XKRX: variants seen among roughly 807,000 people sequenced by gnomAD.
XKRX encodes XK-related protein 2.
XKRX carries 11 observed loss-of-function variants against 22.4 expected under a neutral mutation model. The observed-to-expected ratio is 0.49, with a 90% confidence interval of 0.31 to 0.81. The LOEUF is 0.81. Ranked by LOEUF, XKRX falls within the 40% of genes least tolerant of loss-of-function variation. The pLI is 0.05. For synonymous variants in XKRX, 114 were observed against 132.2 expected, an observed-to-expected ratio of 0.86 and a Z score of 0.94; for missense variants, 320 against 336.5, an observed-to-expected ratio of 0.95 and a Z score of 0.38.
At chrX:100,913,125 G>A (rs189728648), downstream of XKRX, among the ~76,000 whole-genome samples, 1 of 108,575 alleles carries the variant, frequency 9.2e-6, no homozygotes, top group African/African-American at 3.4e-5. Flanking sequence ...TTGAACCCAG[G>A]AGGCAGAGGC....
intron 2 of XKRX, 74 bp downstream of exon 2, chrX:100,922,719 A>G (rs1392725998): frequency 2.2e-5 from 23 of 1,067,010 alleles, no homozygotes; most frequent in Non-Finnish European, 2.9e-5. Flanking sequence ...TGGCCAGTTT[A>G]TTAGACAGCT....
At chrX:100,897,023 C>T in the XKRX span, among the ~76,000 whole-genome samples, 1 of 111,477 alleles carries the variant, frequency 9.0e-6, no homozygotes, top group Non-Finnish European at 1.9e-5. Context: ...GATATATGAT[C>T]TAAGGACAAA....
the XKRX span, among the ~76,000 whole-genome samples, chrX:100,903,039 G>A: frequency 2.8e-5 from 3 of 107,826 alleles, no homozygotes; most frequent in African/African-American, 3.4e-5. Context: ...GTGAGCCACC[G>A]CACCTGGCCA....
chrX:100,933,547 G>A (rs1245146404), upstream of XKRX, among the ~76,000 whole-genome samples: 15 of 106,364 alleles, frequency 1.4e-4, no homozygotes, highest in African/African-American at 5.2e-4. Flanking sequence ...TTTTCTTTTT[G>A]CTATAAACTC....
chrX:100,939,725 C>T, the XKRX span, among the ~76,000 whole-genome samples: 4 of 112,179 alleles, frequency 3.6e-5, no homozygotes, highest in South Asian at 1.5e-3. Flanking sequence ...ATTTTATTTC[C>T]ACTATCAGTC....
At chrX:100,932,205 GCTAA>G (rs1936873166), upstream of XKRX, among the ~76,000 whole-genome samples, 1 of 111,360 alleles carries the variant, frequency 9.0e-6, no homozygotes, top group African/African-American at 3.3e-5. Flanking sequence ...GCTGGGAGTA[GCTAA>G]CTGAGAATTT....
the XKRX span, chrX:100,956,633 AT>A: frequency 1.9e-6 from 1 of 535,382 alleles, no homozygotes. Context: ...AAGAAAGCAG[AT>A]TTTATGGAAT....
At chrX:100,943,792 A>C in the XKRX span, among the ~76,000 whole-genome samples, 2 of 112,209 alleles carry the variant, frequency 1.8e-5, no homozygotes, top group South Asian at 7.4e-4. Flanking sequence ...ATGGAATCCC[A>C]TCAGATGAAT....
chrX:100,915,100 C>A lies in XKRX; in HGVS notation c.605-17G>T, dbSNP rs1166725749. On this transcript the variant is annotated splice_polypyrimidine_tract_variant and intron_variant, in intron 2 of 2. Transcript: ENST00000372956. ...TTAGCACAACTGTTAAAAACAAAAA[C>A]AAAAACAAAAACAGGCAATCAGTCA... is the stretch of plus-strand genomic sequence containing the variant. 4 of 1,193,300 alleles carry A rather than the reference C, an allele frequency of 3.4e-6. No individual in the cohort carries two copies. The Admixed American group carries it at 6.9e-5, about 21-fold the overall frequency.
At chrX:100,891,580 A>T in the XKRX span, among the ~76,000 whole-genome samples, 1 of 109,773 alleles carries the variant, frequency 9.1e-6, no homozygotes, top group African/African-American at 3.3e-5. Context: ...CAATGGGGAA[A>T]CAGCAGTCTC....
chrX:100,892,368 C>A, the XKRX span, among the ~76,000 whole-genome samples: 1 of 111,513 alleles, frequency 9.0e-6, no homozygotes, highest in Non-Finnish European at 1.9e-5. Context: ...ATACCCCATT[C>A]TCCATGATGT....
chrX:100,914,644 A>G lies in XKRX; in HGVS notation c.1044T>C (p.His348=). Residue 348 remains histidine (H), a synonymous_variant, in exon 3 of 3, where the codon CAT becomes CAC. Transcript: ENST00000372956. ...ACCTCACACTATAGTGCAGGCCCAT[A>G]TGTCCCCAGTTCTGCCCTTTGTCGA... The part of the protein sequence containing the change: ...DLVDKGQNWG[H]MGLHYSVRLV... 1 of 1,211,711 alleles carries G rather than the reference A, an allele frequency of 8.3e-7. No individual in the cohort carries two copies. The highest frequency in any genetic ancestry group is 1.1e-6 in the Non-Finnish European group (1 of 895,513).
At chrX:100,957,225 C>T in the XKRX span, 15 of 993,043 alleles carry the variant, frequency 1.5e-5, no homozygotes, top group Middle Eastern at 2.6e-4. Flanking sequence ...TTGTCAGTAT[C>T]GATCTGATTT....
At chrX:100,933,202 C>G (rs1312551016), upstream of XKRX, among the ~76,000 whole-genome samples, 2 of 109,778 alleles carry the variant, frequency 1.8e-5, no homozygotes, top group Non-Finnish European at 3.8e-5. Context: ...GAAAAAAAGC[C>G]AGGCGCAGTG....
At chrX:100,930,862 T>C (rs1382600898), upstream of XKRX, among the ~76,000 whole-genome samples, 1 of 110,472 alleles carries the variant, frequency 9.1e-6, no homozygotes, top group Non-Finnish European at 1.9e-5. Flanking sequence ...CCGGGCGCGG[T>C]AGCTCATGCC....
the XKRX span, among the ~76,000 whole-genome samples, chrX:100,951,372 A>G: frequency 2.0e-5 from 2 of 101,958 alleles, no homozygotes; most frequent in African/African-American, 7.2e-5. Flanking sequence ...CAATATACCC[A>G]TGTAACAAAC....
rs148940348 is a variant in XKRX at position 100,928,337 on chromosome X, T to C, written c.-33A>G. ...GTTCTTTCTGAATGTTGTGGTCTTG[T>C]GTTCATAGCACCCTCCCACCCATCC... is the stretch of plus-strand genomic sequence containing the variant. On this transcript the variant is annotated 5_prime_UTR_variant, in exon 1 of 3. Coordinates refer to ENST00000372956, the MANE Select transcript of XKRX (RefSeq NM_212559.3). The C allele has an allele frequency of 9.2e-6, 11 of 1,192,799 alleles. No homozygotes were observed. The highest frequency in any genetic ancestry group is 1.2e-5 in the Non-Finnish European group (11 of 887,016).
chrX:100,946,850 T>C, the XKRX span, among the ~76,000 whole-genome samples: 5 of 111,521 alleles, frequency 4.5e-5, no homozygotes, highest in African/African-American at 9.8e-5. Flanking sequence ...ATCCACATAG[T>C]TTGTTCTCCG....
chrX:100,924,782 C>T (rs1405309489), intron 1 of XKRX, among the ~76,000 whole-genome samples: 1 of 111,708 alleles, frequency 9.0e-6, no homozygotes, highest in Non-Finnish European at 1.9e-5. Flanking sequence ...ACAGGGTAAG[C>T]AATTATGGGA....
Sources: allele counts gnomAD v4.1 joint callset (sites outside exome capture counted in the v4.1 genomes callset), GRCh38; gene constraint gnomAD v4.1.1; transcripts MANE v1.5; gene names NCBI Gene and HGNC (gene_info 2026-07-23, HGNC 2026-07-21).